The following RABGAP1L variants were observed in gnomAD, a reference collection of about 807,000 sequenced individuals.
RABGAP1L encodes RAB GTPase activating protein 1 like, also known as rab GTPase-activating protein 1-like.
In RABGAP1L, 63 loss-of-function variants were observed where a neutral mutation model predicts 137.7. The ratio of observed to expected loss-of-function variants is 0.46; its 90% CI spans 0.37 to 0.56. The LOEUF is 0.56. Ranked by LOEUF, RABGAP1L falls within the 20% of genes least tolerant of loss-of-function variation. The pLI, the probability that RABGAP1L is intolerant of heterozygous loss-of-function variation, is 0.00. For missense variants in RABGAP1L, 1,095 were observed against 1,244.0 expected (o/e 0.88, Z 1.80); for synonymous variants, 431 against 433.7 (o/e 0.99, Z 0.08).
In RABGAP1L at chr1:174,199,867, A is replaced by G. The variant is rs942563419; in HGVS notation, c.-33-19258A>G. Among the ~76,000 whole-genome samples the G allele has an allele frequency of 1.4e-4, 22 of 152,344 alleles. 1 individual carries two copies. The highest frequency in any genetic ancestry group is 1.3e-3 in the Admixed American group (20 of 15,306). ...TGATTGAGGGAAAACTGAAAAATCC[A>G]TGAAGGAAGTAATAGCTATTCTTAG... On this transcript the variant is annotated intron_variant, in intron 1 of 25. Transcript: ENST00000681986.
At chr1:174,782,821 G>A (rs1313359343) in intron 18 of RABGAP1L, among the ~76,000 whole-genome samples, 6 of 152,152 alleles carry the variant, frequency 3.9e-5, no homozygotes, top group African/African-American at 1.4e-4. Context: ...AGTAAAGAGG[G>A]CTCACTAAAA....
At chr1:174,892,732 C>CTT (rs57239363) in intron 19 of RABGAP1L, 728 of 386,320 alleles carry the variant, frequency 1.9e-3, no homozygotes, top group South Asian at 3.4e-3. Context: ...TGTTTTCTTT[C>CTT]TTTTTTTTTT....
intron 13 of RABGAP1L, among the ~76,000 whole-genome samples, chr1:174,531,705 C>G (rs537496642): frequency 7.5e-6 from 1 of 133,438 alleles, no homozygotes. Flanking sequence ...TGATTAGCCA[C>G]TGCACTACAG....
intron 6 of RABGAP1L, among the ~76,000 whole-genome samples, chr1:174,251,631 C>T (rs1412201111): frequency 6.6e-6 from 1 of 152,174 alleles, no homozygotes; most frequent in Admixed American, 6.5e-5. Context: ...TAAGAATAGT[C>T]TAGCCTAGGC....
intron 19 of RABGAP1L, among the ~76,000 whole-genome samples, chr1:174,839,574 G>A (rs1394909375): frequency 6.6e-6 from 1 of 152,234 alleles, no homozygotes; most frequent in African/African-American, 2.4e-5. Flanking sequence ...GCATTACAGG[G>A]AGGGCTCAGA....
intron 5 of RABGAP1L, among the ~76,000 whole-genome samples, chr1:174,246,545 A>G (rs1284786753): frequency 6.6e-6 from 1 of 151,796 alleles, no homozygotes; most frequent in African/African-American, 2.4e-5. Context: ...TGTACTGAAT[A>G]TCTATAGCCT....
intron 20 of RABGAP1L, among the ~76,000 whole-genome samples, chr1:174,962,194 A>ACCCCC (rs773567592): frequency 2.5e-5 from 1 of 40,450 alleles, no homozygotes; most frequent in African/African-American, 1.7e-4. Flanking sequence ...AAATAAAAAT[A>ACCCCC]CACCCCCCCC....
chr1:174,550,133 A>T (rs1476867725), intron 13 of RABGAP1L, among the ~76,000 whole-genome samples: 1 of 152,218 alleles, frequency 6.6e-6, no homozygotes, highest in Non-Finnish European at 1.5e-5. Context: ...CAGTCACTTA[A>T]AATGGTAACA....
At chr1:174,263,136 C>A (rs1160893018) in intron 7 of RABGAP1L, among the ~76,000 whole-genome samples, 1 of 152,228 alleles carries the variant, frequency 6.6e-6, no homozygotes, top group African/African-American at 2.4e-5. Flanking sequence ...TGCCAGTGAG[C>A]TGACTCTGGA....
intron 13 of RABGAP1L, among the ~76,000 whole-genome samples, chr1:174,614,672 T>G (rs1671621108): frequency 6.6e-6 from 1 of 152,212 alleles, no homozygotes; most frequent in Non-Finnish European, 1.5e-5. Context: ...CTGCAGAGTG[T>G]TTTCCAACTT....
At chr1:174,223,636 C>T (rs1669943813) in intron 3 of RABGAP1L, among the ~76,000 whole-genome samples, 1 of 151,896 alleles carries the variant, frequency 6.6e-6, no homozygotes, top group African/African-American at 2.4e-5. Context: ...GGAGAGATGC[C>T]ATGTTGATTG....
At position 174,615,448 on chromosome 1, in the gene RABGAP1L, A is replaced by C. The variant is rs146674871; in HGVS notation, c.1711-21927A>C. ...CGTTACTCTGGAAGTTTTGTCTCAGAGGAGTACCCTGCCATGTCAGGTGTC... is the reference window on the plus strand; with the variant it reads ...CGTTACTCTGGAAGTTTTGTCTCAGCGGAGTACCCTGCCATGTCAGGTGTC... On this transcript the variant is annotated intron_variant, in intron 13 of 25. Transcript: ENST00000681986. Among the ~76,000 whole-genome samples, 1,039 of 152,272 alleles carry C rather than the reference A, an allele frequency of 6.8e-3. 5 individuals carry two copies. The highest frequency in any genetic ancestry group is 0.014 in the Middle Eastern group (4 of 294).
chr1:174,344,837 G>A (rs1259169992), intron 11 of RABGAP1L, among the ~76,000 whole-genome samples: 1 of 152,078 alleles, frequency 6.6e-6, no homozygotes, highest in African/African-American at 2.4e-5. Flanking sequence ...CTGTGCTTCT[G>A]GGGGTATTAC....
intron 18 of RABGAP1L, among the ~76,000 whole-genome samples, chr1:174,784,011 CTTTTTTTTTT>C (rs3085670): frequency 9.2e-3 from 480 of 52,204 alleles, no homozygotes; most frequent in Middle Eastern, 0.022. Flanking sequence ...TCTTCTTCTT[CTTTTTTTTTT>C]TTTTTTTTTT....
chr1:174,803,475 A>G (rs1688950813), intron 18 of RABGAP1L, among the ~76,000 whole-genome samples: 1 of 152,228 alleles, frequency 6.6e-6, no homozygotes, highest in African/African-American at 2.4e-5. Context: ...CCTTTTCTAA[A>G]GCCTGTGCTT....
intron 13 of RABGAP1L, among the ~76,000 whole-genome samples, chr1:174,535,801 G>T (rs1019484129): frequency 2.0e-5 from 3 of 151,962 alleles, no homozygotes; most frequent in Non-Finnish European, 4.4e-5. Flanking sequence ...TTGCTTCTTA[G>T]TTTTTCATTA....
intron 5 of RABGAP1L, 138 bp from the exon 6 acceptor site, chr1:174,250,337 C>G (rs992432880): frequency 1.2e-5 from 7 of 560,728 alleles, no homozygotes; most frequent in Non-Finnish European, 2.0e-5. Flanking sequence ...ATGATAAATA[C>G]TTAGACTATA....
intron 3 of RABGAP1L, among the ~76,000 whole-genome samples, chr1:174,225,517 A>T (rs1267487721): frequency 1.9e-5 from 2 of 107,388 alleles, no homozygotes; most frequent in African/African-American, 7.0e-5. Flanking sequence ...TTTTTTTTTA[A>T]AGCAGACATT....
intron 13 of RABGAP1L, among the ~76,000 whole-genome samples, chr1:174,567,686 A>T (rs959906522): frequency 1.3e-5 from 2 of 152,190 alleles, no homozygotes; most frequent in Non-Finnish European, 2.9e-5. Context: ...GCTGTTTGCT[A>T]TCATTGTTAT....
Sources: allele counts gnomAD v4.1 joint callset (sites outside exome capture counted in the v4.1 genomes callset), GRCh38; gene constraint gnomAD v4.1.1; transcripts MANE v1.5; gene names NCBI Gene and HGNC (gene_info 2026-07-23, HGNC 2026-07-21).